The following MINAR1 variants were observed in gnomAD, a reference collection of about 807,000 sequenced individuals.
The protein encoded by MINAR1 is membrane integral NOTCH2 associated receptor 1.
MINAR1 carries 40 observed loss-of-function variants against 65.1 expected under a neutral mutation model. The observed-to-expected ratio is 0.61, with a 90% CI of 0.48 to 0.80. The LOEUF is 0.80. Among genes scored for constraint, MINAR1 ranks in the 30% least tolerant of loss-of-function variants. The pLI, the probability that MINAR1 is intolerant of heterozygous loss-of-function variation, is 0.00. For synonymous variants in MINAR1, 482 were observed against 449.1 expected (o/e 1.07, Z -0.93); for missense variants, 1,128 against 1,148.0 (o/e 0.98, Z 0.25).
the MINAR1 span, chr15:79,420,267 A>G: frequency 6.6e-6 from 1 of 152,238 alleles, no homozygotes; most frequent in South Asian, 2.1e-4. Flanking sequence ...CACATTTTTA[A>G]TAAGGACTCA....
In MINAR1 at chr15:79,463,135, G is replaced by A. The variant is rs780790673; in HGVS notation, c.2367G>A (p.Val789=). The A allele has an allele frequency of 8.1e-6, 13 of 1,614,074 alleles. No individual in the cohort carries two copies. Among genetic ancestry groups the A allele is most frequent in the Non-Finnish European group, 1.1e-5 (13 of 1,180,050 alleles). The change falls in exon 3 of 4, where the codon GTG becomes GTA. Residue 789 remains valine, a synonymous_variant. Transcript: ENST00000305428. The part of the protein sequence containing the change: ...LPKQPKDGFL[V]EQVFSPHPYP... ...AGCAGCCCAAAGATGGCTTCCTGGT[G>A]GAGCAGGTGTTCAGCCCTCACCCCT...
Position 79,457,570 on chromosome 15 carries a change from G to A in MINAR1, c.1423G>A (p.Gly475Ser). 3 of 1,614,128 alleles carry A rather than the reference G, an allele frequency of 1.9e-6. No individual in the cohort carries two copies. The highest frequency in any genetic ancestry group is 2.5e-6 in the Non-Finnish European group (3 of 1,180,036). The change falls in exon 2 of 4, where the codon GGC becomes AGC. Residue 475 changes from glycine to serine, a missense_variant. Physicochemically the swap from Gly to Ser is moderately conservative, Grantham distance 56. Transcript: ENST00000305428. ...GQLSSDTSSV[G>S]TQTEHVLEPK... is the part of the protein sequence containing the mutation. ...GCTCAGCTCAGACACCAGTAGCGTG[G>A]GCACCCAGACTGAGCACGTGCTGGA...
At chr15:79,412,514 A>G in the MINAR1 span, 1 of 152,416 alleles carries the variant, frequency 6.6e-6, no homozygotes, top group Admixed American at 6.5e-5. Context: ...AAACTCAGAC[A>G]GAGGGTGCAC....
rs757312399 is a variant in MINAR1, at chr15:79,468,202, A to T, written c.2569A>T (p.Asn857Tyr). The T allele has an allele frequency of 1.2e-6, 2 of 1,613,628 alleles. No individual in the cohort carries two copies. The highest frequency in any genetic ancestry group is 2.2e-5 in the South Asian group (2 of 91,046). The change falls in exon 4 of 4, where the codon AAC becomes TAC. Residue 857 changes from asparagine to tyrosine, a missense_variant. Transcript: ENST00000305428. ...TCGCTTTTAGACGCAAGAATCTTTA[A>T]ACCCAAATAATTTAGAGTACTGGAT... Reference protein sequence around the residue: ...ALDLQTQESLNPNNLEYWMED... With the variant: ...ALDLQTQESLYPNNLEYWMED...
intron 3 of MINAR1, among the ~76,000 whole-genome samples, chr15:79,466,432 C>CAAAT (rs905477465): frequency 2.0e-5 from 3 of 152,166 alleles, no homozygotes; most frequent in African/African-American, 7.2e-5. Context: ...AATTTGGAAA[C>CAAAT]AAATAGGAGT....
the MINAR1 span, chr15:79,416,913 T>A: frequency 6.6e-6 from 1 of 152,252 alleles, no homozygotes; most frequent in African/African-American, 2.4e-5. Context: ...CTACATCCAT[T>A]TGGACACAGG....
intron 1 of MINAR1, among the ~76,000 whole-genome samples, chr15:79,444,789 C>A (rs947850304): frequency 7.3e-5 from 11 of 151,280 alleles, no homozygotes. Flanking sequence ...AAAATCACTG[C>A]AGGATATAAA....
chr15:79,457,102 C>G lies in MINAR1; in HGVS notation c.955C>G (p.Pro319Ala). The change falls in exon 2 of 4, where the codon CCG becomes GCG. Residue 319 changes from proline (P) to alanine (A), a missense_variant. Physicochemically the swap from Pro to Ala is conservative, Grantham distance 27. Coordinates refer to ENST00000305428, the MANE Select transcript of MINAR1 (RefSeq NM_015206.3). ...NSQYLNPVYS[P>A]VPDKRRAKHE... is the part of the protein sequence containing the mutation. ...CCAGTACCTGAATCCAGTGTATTCC[C>G]CGGTTCCTGACAAAAGGCGAGCAAA... 1.2e-6 allele frequency: 2 copies of G among 1,614,130 alleles called. No individual in the cohort carries two copies. The highest frequency in any genetic ancestry group is 1.7e-6 in the Non-Finnish European group (2 of 1,180,036).
intron 1 of MINAR1, among the ~76,000 whole-genome samples, chr15:79,446,947 T>C (rs532593542): frequency 2.0e-5 from 3 of 152,230 alleles, no homozygotes; most frequent in Non-Finnish European, 4.4e-5. Context: ...AGTGCTGTGA[T>C]GCAGTCTCAA....
rs576524943 is a variant in MINAR1, at chr15:79,441,241, C to T, written c.-51+8701C>T. On this transcript the variant is annotated intron_variant, in intron 1 of 3. Transcript: ENST00000305428. ...CCCTGAAATGAAAGGAAGAGAAAAC[C>T]ACCCAGAGACAATTATTATTAACAT... is the stretch of plus-strand genomic sequence containing the variant. Among the ~76,000 whole-genome samples the T allele has an allele frequency of 3.3e-5, 5 of 151,698 alleles. 1 individual carries two copies. Among genetic ancestry groups the T allele is most frequent in the Admixed American group, 2.6e-4 (4 of 15,240 alleles).
rs771639248 is a variant in MINAR1, at chr15:79,456,678, C to T, written c.531C>T (p.Phe177=). Residue 177 remains phenylalanine, a synonymous_variant, in exon 2 of 4, where the codon TTC becomes TTT. Coordinates refer to ENST00000305428, the MANE Select transcript of MINAR1 (RefSeq NM_015206.3). The part of the protein sequence containing the change: ...PQFVPASEPN[F]LLGVSKEVKN... ...TTGTCCCTGCCTCTGAGCCTAACTT[C>T]CTGTTGGGAGTTAGCAAAGAGGTGA... is the stretch of plus-strand genomic sequence containing the variant. 3 of 1,614,160 alleles carry T rather than the reference C, an allele frequency of 1.9e-6. No individual in the cohort carries two copies. The highest frequency in any genetic ancestry group is 2.2e-5 in the South Asian group (2 of 91,076).
chr15:79,461,799 C>A lies in MINAR1; in HGVS notation c.2299-1268C>A, dbSNP rs1286216689. The stretch of plus-strand genomic sequence containing the variant: ...ACATACACCACGTGTGCTTCCAACC[C>A]CTATGCAAGCATCTGATCCACGTAC... On this transcript the variant is annotated intron_variant, in intron 2 of 3. Coordinates refer to ENST00000305428, the MANE Select transcript of MINAR1 (RefSeq NM_015206.3). Among the ~76,000 whole-genome samples, 7 of 152,002 alleles carry A rather than the reference C, an allele frequency of 4.6e-5. No homozygotes were observed. The South Asian group carries it at 1.5e-3, about 32-fold the overall frequency.
chr15:79,451,522 G>A (rs1475940140), intron 1 of MINAR1, among the ~76,000 whole-genome samples: 1 of 152,178 alleles, frequency 6.6e-6, no homozygotes. Context: ...CAGGGGAGGG[G>A]AGGCCTGGGC....
At chr15:79,428,585 G>A (rs754871839), upstream of MINAR1, among the ~76,000 whole-genome samples, 11 of 149,276 alleles carry the variant, frequency 7.4e-5, 1 homozygote, top group East Asian at 2.0e-4. Flanking sequence ...AAACTTTTGC[G>A]GAATACCTGT....
chr15:79,435,783 A>AT (rs1459020517), intron 1 of MINAR1, among the ~76,000 whole-genome samples: 1 of 152,200 alleles, frequency 6.6e-6, no homozygotes. Context: ...GCACAGACAG[A>AT]TTTTGGCTTA....
chr15:79,422,438 C>T, the MINAR1 span: 30 of 151,712 alleles, frequency 2.0e-4, no homozygotes, highest in African/African-American at 6.3e-4. Context: ...ATCCCAGCTA[C>T]TAGGGAGGTT....
At chr15:79,465,101 T>C (rs1163723699) in intron 3 of MINAR1, among the ~76,000 whole-genome samples, 1 of 152,142 alleles carries the variant, frequency 6.6e-6, no homozygotes, top group African/African-American at 2.4e-5. Context: ...AAAATAGATA[T>C]TGGGGTTACA....
intron 3 of MINAR1, among the ~76,000 whole-genome samples, chr15:79,464,117 T>C (rs1895752646): frequency 6.6e-6 from 1 of 152,158 alleles, no homozygotes; most frequent in African/African-American, 2.4e-5. Flanking sequence ...AAGAGGGCTG[T>C]GGGAGGTACA....
chr15:79,436,788 C>A (rs188721789), intron 1 of MINAR1, among the ~76,000 whole-genome samples: 100 of 152,320 alleles, frequency 6.6e-4, no homozygotes, highest in Middle Eastern at 3.4e-3. Flanking sequence ...TTGTTCCATG[C>A]CCTTAGCCAA....
Sources: allele counts gnomAD v4.1 joint callset (sites outside exome capture counted in the v4.1 genomes callset), GRCh38; gene constraint gnomAD v4.1.1; transcripts MANE v1.5; gene names NCBI Gene and HGNC (gene_info 2026-07-23, HGNC 2026-07-21).